Variants in MYO18B observed in about 807,000 individuals in gnomAD.
MYO18B encodes the protein unconventional myosin-XVIIIb.
A neutral mutation model predicts 273.0 loss-of-function variants in MYO18B; 204 were observed. The observed-to-expected ratio is 0.75, with a 90% CI of 0.67 to 0.84. The LOEUF is 0.84. Among genes scored for constraint, MYO18B ranks in the 40% least tolerant of loss-of-function variants. MYO18B has a pLI of 0.00. For synonymous variants in MYO18B, 1,330 were observed against 1,305.7 expected (o/e 1.02, Z -0.40); for missense variants, 3,212 against 3,287.6 (o/e 0.98, Z 0.56).
intron 39 of MYO18B, among the ~76,000 whole-genome samples, chr22:25,957,096 C>T (rs1601684981): frequency 6.6e-6 from 1 of 152,174 alleles, no homozygotes; most frequent in Non-Finnish European, 1.5e-5. Context: ...ATTAACCAGC[C>T]CCATTTCTCA....
intron 4 of MYO18B, among the ~76,000 whole-genome samples, chr22:25,769,651 A>G (rs895397864): frequency 6.6e-6 from 1 of 152,142 alleles, no homozygotes; most frequent in Non-Finnish European, 1.5e-5. Flanking sequence ...TGGGGTGGGA[A>G]TTCCCCACAG....
the MYO18B span, among the ~76,000 whole-genome samples, chr22:26,061,651 A>AAGAAAGGTCATCTACCACCG: frequency 2.8e-5 from 4 of 144,886 alleles, no homozygotes; most frequent in African/African-American, 5.2e-5. Flanking sequence ...ATCTACCACC[A>AAGAAAGGTCATCTACCACCG]AGAAAGGTCA....
At chr22:25,761,887 G>A (rs776601214) in intron 2 of MYO18B, among the ~76,000 whole-genome samples, 5 of 152,138 alleles carry the variant, frequency 3.3e-5, no homozygotes, top group Non-Finnish European at 5.9e-5. Flanking sequence ...ACTTTGGGAG[G>A]CCGAAGCAGG....
intron 1 of MYO18B, among the ~76,000 whole-genome samples, chr22:25,750,975 T>G (rs1313057672): frequency 6.6e-6 from 1 of 152,182 alleles, no homozygotes; most frequent in African/African-American, 2.4e-5. Context: ...GAGCTCAGCC[T>G]CTAAAGTCAG....
intron 7 of MYO18B, among the ~76,000 whole-genome samples, chr22:25,776,335 C>G (rs1403309007): frequency 6.6e-6 from 1 of 152,190 alleles, no homozygotes; most frequent in Non-Finnish European, 1.5e-5. Flanking sequence ...ACTTTCAATG[C>G]CAAAACCAGG....
intron 1 of MYO18B, among the ~76,000 whole-genome samples, chr22:25,749,550 T>C (rs1229087055): frequency 2.6e-5 from 4 of 152,170 alleles, no homozygotes; most frequent in East Asian, 1.9e-4. Context: ...GAGCCTTCCA[T>C]TGGCCAAACG....
At chr22:25,822,237 A>G (rs554449210) in intron 12 of MYO18B, among the ~76,000 whole-genome samples, 112 of 152,268 alleles carry the variant, frequency 7.4e-4, no homozygotes, top group African/African-American at 2.5e-3. Flanking sequence ...CCTCTGAAGC[A>G]CTTCGCTGGT....
At chr22:25,789,114 C>T (rs1214927031) in intron 11 of MYO18B, among the ~76,000 whole-genome samples, 8 of 145,348 alleles carry the variant, frequency 5.5e-5, no homozygotes, top group Non-Finnish European at 1.1e-4. Flanking sequence ...CCTCCTCCTC[C>T]TCCTCCTCCT....
intron 42 of MYO18B, among the ~76,000 whole-genome samples, chr22:26,025,898 T>C (rs1275772768): frequency 1.3e-5 from 2 of 152,212 alleles, no homozygotes; most frequent in Non-Finnish European, 2.9e-5. Flanking sequence ...TAAGTTGATT[T>C]CATGTGAATC....
At chr22:25,834,429 G>C (rs1415424189) in intron 16 of MYO18B, among the ~76,000 whole-genome samples, 1 of 152,142 alleles carries the variant, frequency 6.6e-6, no homozygotes, top group East Asian at 1.9e-4. Flanking sequence ...ATCTTTGACT[G>C]TCCATCCGGG....
chr22:26,026,326 G>C lies in MYO18B; in HGVS notation c.6471-119G>C, dbSNP rs41531549. ...ATATGGTTCATTTGAGAGTGCGGTAGGGATGGTATTTCCAAAGAAAAATAA... is the reference window on the plus strand; with the variant it reads ...ATATGGTTCATTTGAGAGTGCGGTACGGATGGTATTTCCAAAGAAAAATAA... On this transcript the variant is annotated intron_variant, in intron 42 of 43. Transcript: ENST00000335473. The C allele has an allele frequency of 0.086, 97,958 of 1,143,050 alleles. 4,577 individuals carry two copies. Among genetic ancestry groups the C allele is most frequent in the Middle Eastern group, 0.13 (574 of 4,554 alleles). 70.8% of individuals were successfully genotyped at this position (1,143,050 alleles called of 1,614,324 possible). A position where few individuals can be genotyped will look rare whatever the true frequency, so the allele number is the denominator to read the frequency against.
the MYO18B span, among the ~76,000 whole-genome samples, chr22:26,047,105 C>T: frequency 2.6e-5 from 4 of 151,080 alleles, no homozygotes; most frequent in Non-Finnish European, 4.4e-5. Context: ...TCACTTCTGC[C>T]GCCTTCTATT....
intron 40 of MYO18B, among the ~76,000 whole-genome samples, chr22:26,000,599 A>G (rs1387922592): frequency 8.3e-6 from 1 of 120,262 alleles, no homozygotes; most frequent in Non-Finnish European, 2.0e-5. Context: ...TTTTTTTTTA[A>G]ATCTCCTGTC....
intron 4 of MYO18B, 24 bp from the exon 5 acceptor site, chr22:25,770,086 A>C (rs2086664171): frequency 6.2e-7 from 1 of 1,613,348 alleles, no homozygotes; most frequent in South Asian, 1.1e-5. Flanking sequence ...TTGCTGGTTT[A>C]ATTTACGTGA....
chr22:26,048,719 G>C, the MYO18B span, among the ~76,000 whole-genome samples: 2 of 151,994 alleles, frequency 1.3e-5, no homozygotes, highest in Non-Finnish European at 2.9e-5. Flanking sequence ...AAAACAAAAC[G>C]TGTTGGCTAT....
rs1487367243 is a variant in MYO18B at position 26,026,679 on chromosome 22, A to G, written c.6705A>G (p.Thr2235=). Residue 2235 remains threonine (T), a synonymous_variant, in exon 43 of 44, where the codon ACA becomes ACG. Coordinates refer to ENST00000335473, the MANE Select transcript of MYO18B (RefSeq NM_032608.7). ...SSPLASRSTN[T]SPLSREKLPS... ...CCCTGGCTTCTCGGAGTACAAATACATCCCCGCTGTCGAGGGAAAAGCTGC... is the reference window on the plus strand; with the variant it reads ...CCCTGGCTTCTCGGAGTACAAATACGTCCCCGCTGTCGAGGGAAAAGCTGC... 1 of 1,613,672 alleles carries G rather than the reference A, an allele frequency of 6.2e-7. No homozygotes were observed. Among genetic ancestry groups the G allele is most frequent in the African/African-American group, 1.3e-5 (1 of 74,872 alleles).
chr22:26,003,815 G>A (rs1934192796), intron 41 of MYO18B, among the ~76,000 whole-genome samples: 1 of 152,016 alleles, frequency 6.6e-6, no homozygotes, highest in South Asian at 2.1e-4. Context: ...AGCAAATCAA[G>A]GCTCCCTCTT....
intron 3 of MYO18B, among the ~76,000 whole-genome samples, chr22:25,766,077 G>GGAGTTAAGGTTTTTAAAAGTGCCCCAGGA (rs1328683851): frequency 6.6e-5 from 10 of 152,070 alleles, no homozygotes; most frequent in African/African-American, 2.4e-4. Flanking sequence ...ATAAGGCCAA[G>GGAGTTAAGGTTTTTAAAAGTGCCCCAGGA]GAGTTAAGGT....
downstream of MYO18B, among the ~76,000 whole-genome samples, chr22:26,033,930 T>TTTCC (rs958043008): frequency 1.4e-4 from 21 of 150,942 alleles, no homozygotes; most frequent in African/African-American, 3.7e-4. Context: ...CCTTTCTTTC[T>TTTCC]TTCCTTCCTT....
Sources: gnomAD v4.1 joint callset for allele counts (sites outside exome capture counted in the v4.1 genomes callset) on GRCh38, gnomAD v4.1.1 for gene constraint, MANE v1.5 for transcripts, NCBI Gene and HGNC (gene_info 2026-07-23, HGNC 2026-07-21) for gene names.